The following NALF1 variants were observed in gnomAD, a reference collection of about 807,000 sequenced individuals.
The protein encoded by NALF1 is NALCN channel auxiliary factor 1, also known as family with sequence similarity 155 member A.
Under a neutral mutation model 48.4 loss-of-function variants are expected in NALF1, and 3 were observed. That is an observed-to-expected ratio of 0.06 (90% confidence interval 0.03 to 0.16). The LOEUF is 0.16. NALF1 is among the 10% of genes least tolerant of loss of function. The pLI is 1.00. For missense variants in NALF1, 526 were observed against 571.5 expected, an observed-to-expected ratio of 0.92 and a Z score of 0.81; for synonymous variants, 262 against 245.7, an observed-to-expected ratio of 1.07 and a Z score of -0.62.
intron 1 of NALF1, among the ~76,000 whole-genome samples, chr13:107,647,679 G>C (rs1207478653): frequency 2.0e-5 from 3 of 151,960 alleles, no homozygotes; most frequent in African/African-American, 4.8e-5. Context: ...TAATATCTGA[G>C]TTCAATTTGT....
chr13:107,581,305 CA>C (rs1566402255), intron 1 of NALF1, among the ~76,000 whole-genome samples: 1 of 152,114 alleles, frequency 6.6e-6, no homozygotes, highest in Non-Finnish European at 1.5e-5. Flanking sequence ...AGGACCAGAA[CA>C]GGGGGAACAG....
intron 1 of NALF1, among the ~76,000 whole-genome samples, chr13:107,757,142 G>A (rs1171228501): frequency 1.3e-5 from 2 of 152,172 alleles, no homozygotes; most frequent in African/African-American, 4.8e-5. Context: ...CAAGGAACAA[G>A]GCAGTGATTG....
intron 1 of NALF1, among the ~76,000 whole-genome samples, chr13:107,410,194 T>C (rs183794870): frequency 8.7e-4 from 133 of 152,332 alleles, no homozygotes; most frequent in African/African-American, 2.9e-3. Context: ...GTTGGGTTGA[T>C]GCAGCCATGA....
At chr13:107,412,156 C>G (rs16952146) in intron 1 of NALF1, among the ~76,000 whole-genome samples, 1 of 151,784 alleles carries the variant, frequency 6.6e-6, no homozygotes, top group African/African-American at 2.4e-5. Context: ...AATTTCCACG[C>G]GCTTAAACAA....
intron 1 of NALF1, among the ~76,000 whole-genome samples, chr13:107,494,907 CAGA>C (rs1466587877): frequency 6.6e-6 from 1 of 152,114 alleles, no homozygotes; most frequent in East Asian, 1.9e-4. Context: ...TTGTGAAGAA[CAGA>C]ATGTAAAAGC....
At chr13:107,647,608 G>A (rs1173347072) in intron 1 of NALF1, among the ~76,000 whole-genome samples, 1 of 151,988 alleles carries the variant, frequency 6.6e-6, no homozygotes, top group Admixed American at 6.6e-5. Flanking sequence ...ATTAAAAAAG[G>A]TATGTACTTT....
chr13:107,243,908 T>G (rs1339656519), intron 1 of NALF1, among the ~76,000 whole-genome samples: 1 of 151,970 alleles, frequency 6.6e-6, no homozygotes, highest in Admixed American at 6.6e-5. Context: ...GCCAAAGAAA[T>G]GGGGGGCTTC....
chr13:107,455,412 G>A (rs149874296), intron 1 of NALF1, among the ~76,000 whole-genome samples: 1,791 of 152,192 alleles, frequency 0.012, 21 homozygotes, highest in Middle Eastern at 0.034. Context: ...GCAAAATTGA[G>A]TGGAAAGCAT....
intron 1 of NALF1, among the ~76,000 whole-genome samples, chr13:107,445,308 G>T (rs1884631929): frequency 6.6e-6 from 1 of 152,120 alleles, no homozygotes; most frequent in African/African-American, 2.4e-5. Flanking sequence ...GTTGTTTAAT[G>T]AATTTTACAC....
intron 1 of NALF1, among the ~76,000 whole-genome samples, chr13:107,349,224 C>T (rs1882827609): frequency 6.6e-6 from 1 of 152,080 alleles, no homozygotes; most frequent in Non-Finnish European, 1.5e-5. Flanking sequence ...TTCTTCATTC[C>T]CCTCCTTCCC....
At position 107,560,467 on chromosome 13, in the gene NALF1, A is replaced by T. The variant is rs189377036; in HGVS notation, c.915+305215T>A. On this transcript the variant is annotated intron_variant, in intron 1 of 2. Coordinates refer to ENST00000375915, the MANE Select transcript of NALF1 (RefSeq NM_001080396.3). The stretch of plus-strand genomic sequence containing the variant: ...CTTAGAAATGTCTTTCTCACTCCAA[A>T]TGTAAATATATTTTATGGTTTCTTT... Among the ~76,000 whole-genome samples, 633 of 152,240 alleles carry T rather than the reference A, an allele frequency of 4.2e-3. 5 individuals carry two copies. Among genetic ancestry groups the T allele is most frequent in the African/African-American group, 0.015 (605 of 41,546 alleles).
At chr13:107,645,929 T>A (rs1332569258) in intron 1 of NALF1, among the ~76,000 whole-genome samples, 1 of 152,170 alleles carries the variant, frequency 6.6e-6, no homozygotes, top group African/African-American at 2.4e-5. Flanking sequence ...TAAGTTCAGA[T>A]GCTCGTTCTG....
At chr13:107,304,024 G>A (rs963492) in intron 1 of NALF1, among the ~76,000 whole-genome samples, 31,709 of 152,058 alleles carry the variant, frequency 0.21, 4,354 homozygotes, top group South Asian at 0.44. Context: ...AATTTCTTCT[G>A]ATCATATCAT....
At chr13:107,773,057 A>G (rs191876670) in intron 1 of NALF1, among the ~76,000 whole-genome samples, 59 of 152,348 alleles carry the variant, frequency 3.9e-4, no homozygotes, top group Admixed American at 9.8e-4. Context: ...ATGCACCAGC[A>G]AGGTAACATG....
intron 1 of NALF1, among the ~76,000 whole-genome samples, chr13:107,279,043 CTTT>C (rs200133690): frequency 6.5e-5 from 8 of 122,928 alleles, no homozygotes; most frequent in Non-Finnish European, 9.9e-5. Context: ...TTCTTTTCTT[CTTT>C]TTTTTTTTTT....
chr13:107,714,636 A>AAAAAAAAG (rs1174305261), intron 1 of NALF1, among the ~76,000 whole-genome samples: 2 of 151,404 alleles, frequency 1.3e-5, no homozygotes, highest in African/African-American at 4.8e-5. Flanking sequence ...TAAAAAAAAA[A>AAAAAAAAG]AAAGAAAGAT....
intron 1 of NALF1, among the ~76,000 whole-genome samples, chr13:107,778,916 T>C (rs907217814): frequency 2.5e-4 from 38 of 152,210 alleles, no homozygotes; most frequent in Admixed American, 3.9e-4. Context: ...CCATAAACTA[T>C]CAGATTTTTC....
intron 1 of NALF1, among the ~76,000 whole-genome samples, chr13:107,369,106 A>G (rs1405329090): frequency 6.6e-6 from 1 of 152,162 alleles, no homozygotes. Context: ...AAAGTAGAGC[A>G]CTTTTCTTCG....
chr13:107,706,915 A>ATTTT (rs1294681174), intron 1 of NALF1, among the ~76,000 whole-genome samples: 7 of 97,810 alleles, frequency 7.2e-5, no homozygotes, highest in Admixed American at 1.3e-4. Context: ...AATCAAGGGC[A>ATTTT]TTCTTTTTTT....
Sources: gnomAD v4.1 joint callset for allele counts (sites outside exome capture counted in the v4.1 genomes callset) on GRCh38, gnomAD v4.1.1 for gene constraint, MANE v1.5 for transcripts, NCBI Gene and HGNC (gene_info 2026-07-23, HGNC 2026-07-21) for gene names.